ACTR2: variants seen among roughly 807,000 people sequenced by gnomAD.
ACTR2 encodes actin-related protein 2.
ACTR2 carries 5 observed loss-of-function variants against 50.2 expected under a neutral mutation model. That is an observed-to-expected ratio of 0.10 (90% confidence interval 0.05 to 0.21). ACTR2 has a LOEUF of 0.21. ACTR2 is among the 10% of genes least tolerant of loss of function. The probability of loss-of-function intolerance (pLI) is 1.00; values close to 1 mark genes in which losing one functional copy is unlikely to be tolerated. For synonymous variants in ACTR2, 140 were observed against 162.9 expected (o/e 0.86, Z 1.07); for missense variants, 180 against 480.6 (o/e 0.37, Z 5.85).
rs369330503 is a variant in ACTR2 at position 65,266,254 on chromosome 2, AGG to A, written c.1014+1080_1014+1081del. On this transcript the variant is annotated intron_variant, in intron 8 of 8. Transcript: ENST00000260641. ...AGCTGGAAAATGTTAGTGGTTGGGG[AGG>A]TAGTGTGCTCCTTCATAAACTGTGA... Among the ~76,000 whole-genome samples the A allele has an allele frequency of 3.8e-3, 585 of 152,270 alleles. 3 individuals carry two copies. Among genetic ancestry groups the A allele is most frequent in the African/African-American group, 0.014 (566 of 41,540 alleles).
rs1352860935 is a variant in ACTR2, at chr2:65,246,537, G to T, written c.173G>T (p.Gly58Val). 6.2e-7 allele frequency: 1 copy of T among 1,603,780 alleles called. No individual in the cohort carries two copies. Among genetic ancestry groups the T allele is most frequent in the African/African-American group, 1.3e-5 (1 of 74,426 alleles). Reference sequence around the variant, plus strand: ...ATAATTTTCTAGGATCTTATGGTTGGTGATGAGGCAAGTGAATTACGATCA... The same window carrying T: ...ATAATTTTCTAGGATCTTATGGTTGTTGATGAGGCAAGTGAATTACGATCA... ...GNIEIKDLMVGDEASELRSML... is the reference protein window; with the variant it reads ...GNIEIKDLMVVDEASELRSML... Residue 58 changes from glycine (G) to valine (V), a missense_variant, in exon 3 of 9, where the codon GGT (glycine) becomes GTT (valine). Physicochemically the swap from Gly to Val is moderately radical, Grantham distance 109. Transcript: ENST00000260641.
At chr2:65,262,691 C>CGA (rs1672291453) in intron 7 of ACTR2, among the ~76,000 whole-genome samples, 3 of 152,028 alleles carry the variant, frequency 2.0e-5, no homozygotes, top group Non-Finnish European at 4.4e-5. Context: ...GGGGTGGTGG[C>CGA]TTCTGGCTGT....
intron 4 of ACTR2, among the ~76,000 whole-genome samples, chr2:65,252,635 ACT>A (rs1274675618): frequency 6.6e-6 from 1 of 151,384 alleles, no homozygotes; most frequent in African/African-American, 2.4e-5. Flanking sequence ...ACAGAGTGAG[ACT>A]CTGTCTCAAA....
intron 2 of ACTR2, chr2:65,241,905 A>G: frequency 1.1e-6 from 1 of 922,098 alleles, no homozygotes; most frequent in Non-Finnish European, 1.6e-6. Flanking sequence ...AACTCCATTA[A>G]ATATAGTAGT....
At chr2:65,242,062 T>TG (rs1424753250) in intron 2 of ACTR2, 1 of 1,604,854 alleles carries the variant, frequency 6.2e-7, no homozygotes, top group Non-Finnish European at 8.5e-7. Context: ...AACAAAAAGA[T>TG]GGTAAGTGAG....
rs981995709 is a variant in ACTR2 at position 65,270,914 on chromosome 2, T to A, written c.*2180T>A. Reference sequence around the variant, plus strand: ...TGAGTCCCTCAGGAAAAAAAAAAAATTCTGTTTTAAAAAGCAATCTGATTC... The same window carrying A: ...TGAGTCCCTCAGGAAAAAAAAAAAAATCTGTTTTAAAAAGCAATCTGATTC... On this transcript the variant is annotated 3_prime_UTR_variant, in exon 9 of 9. Coordinates refer to ENST00000260641, the MANE Select transcript of ACTR2 (RefSeq NM_005722.4). The A allele has an allele frequency of 1.1e-4, 17 of 151,810 alleles. No individual in the cohort carries two copies. Among genetic ancestry groups the A allele is most frequent in the African/African-American group, 3.1e-4 (13 of 41,296 alleles). 9.4% of individuals were successfully genotyped at this position (151,810 alleles called of 1,614,324 possible).
chr2:65,235,168 A>G (rs1671715875), intron 1 of ACTR2, among the ~76,000 whole-genome samples: 1 of 146,676 alleles, frequency 6.8e-6, no homozygotes, highest in East Asian at 1.9e-4. Context: ...AGTGTGTGAG[A>G]GGTGTGTGTG....
rs372700843 is a variant in ACTR2, at chr2:65,264,305, A to G, written c.882-738A>G. Among the ~76,000 whole-genome samples the G allele has an allele frequency of 2.7e-4, 41 of 152,346 alleles. No individual in the cohort carries two copies. The South Asian group carries it at 3.5e-3, about 13-fold the overall frequency. Reference sequence around the variant, plus strand: ...GGGCTTGCTATGGCAATTAAATACAAAAGCAATGCTTTGTTAGAGTTGCAG... The same window carrying G: ...GGGCTTGCTATGGCAATTAAATACAGAAGCAATGCTTTGTTAGAGTTGCAG... On this transcript the variant is annotated intron_variant, in intron 7 of 8. Coordinates refer to ENST00000260641, the MANE Select transcript of ACTR2 (RefSeq NM_005722.4).
At chr2:65,247,153 C>G (rs1486795688) in intron 3 of ACTR2, among the ~76,000 whole-genome samples, 2 of 152,096 alleles carry the variant, frequency 1.3e-5, no homozygotes, top group Non-Finnish European at 2.9e-5. Flanking sequence ...GGCACCAACC[C>G]TCCCTACTCA....
At chr2:65,244,600 G>T (rs748049066) in intron 2 of ACTR2, among the ~76,000 whole-genome samples, 5 of 152,160 alleles carry the variant, frequency 3.3e-5, no homozygotes, top group Non-Finnish European at 7.4e-5. Flanking sequence ...ACATGTGCAT[G>T]TTATTAACTA....
At chr2:65,255,352 T>C (rs1019912756) in intron 5 of ACTR2, among the ~76,000 whole-genome samples, 193 bp from the exon 6 acceptor site, 4 of 152,240 alleles carry the variant, frequency 2.6e-5, no homozygotes, top group African/African-American at 7.2e-5. Flanking sequence ...TGTTAATTCT[T>C]TTACCCTCTC....
intron 3 of ACTR2, among the ~76,000 whole-genome samples, chr2:65,249,260 G>T (rs1320636817): frequency 6.6e-6 from 1 of 152,152 alleles, no homozygotes; most frequent in East Asian, 1.9e-4. Context: ...GGGTTTAGAA[G>T]AAAATGTTGT....
At position 65,255,664 on chromosome 2, in the gene ACTR2, A is replaced by G. The variant is rs1203816330; in HGVS notation, c.705A>G (p.Leu235=). 1 of 1,613,808 alleles carries G rather than the reference A, an allele frequency of 6.2e-7. No homozygotes were observed. The highest frequency in any genetic ancestry group is 2.2e-5 in the East Asian group (1 of 44,882). The part of the protein sequence containing the change: ...YNIEQEQKLA[L]ETTVLVESYT... ...TTGAGCAAGAGCAGAAACTGGCCTT[A>G]GAAACCACAGTATTAGTTGAATCTT... Residue 235 remains leucine, a synonymous_variant, in exon 6 of 9, where the codon TTA becomes TTG. Coordinates refer to ENST00000260641, the MANE Select transcript of ACTR2 (RefSeq NM_005722.4).
At chr2:65,264,514 C>T (rs1361594855) in intron 7 of ACTR2, among the ~76,000 whole-genome samples, 1 of 152,128 alleles carries the variant, frequency 6.6e-6, no homozygotes, top group African/African-American at 2.4e-5. Context: ...ATAGAGGGTA[C>T]TGCTGTCAGT....
At position 65,250,256 on chromosome 2, in the gene ACTR2, C is replaced by T. The variant is rs548175015; in HGVS notation, c.376-771C>T. 3.3e-5 allele frequency among the ~76,000 whole-genome samples: 5 copies of T among 151,396 alleles called. No individual in the cohort carries two copies. In the East Asian group the frequency reaches 9.7e-4, roughly 30 times the overall value. On this transcript the variant is annotated intron_variant, in intron 3 of 8. Transcript: ENST00000260641. ...GTGTACGCCTGTAGTCCCAGCTACT[C>T]GGGAGGCTGAGGCAGGAGAATGGCG...
At chr2:65,233,045 A>G (rs191601432) in intron 1 of ACTR2, among the ~76,000 whole-genome samples, 1 of 150,722 alleles carries the variant, frequency 6.6e-6, no homozygotes, top group East Asian at 1.9e-4. Context: ...CCCAGGCCAG[A>G]GTGCAGTGGC....
At chr2:65,264,830 T>C (rs1451528005) in intron 7 of ACTR2, among the ~76,000 whole-genome samples, 1 of 152,220 alleles carries the variant, frequency 6.6e-6, no homozygotes, top group East Asian at 1.9e-4. Flanking sequence ...TTAGAAGTAT[T>C]TTATTTTCAT....
At chr2:65,234,527 TATACTC>T (rs1395229441) in intron 1 of ACTR2, among the ~76,000 whole-genome samples, 2 of 152,230 alleles carry the variant, frequency 1.3e-5, no homozygotes, top group Admixed American at 6.5e-5. Context: ...TTGCTTAAAA[TATACTC>T]ATAAGAATGT....
chr2:65,242,110 G>T (rs1671849116), intron 2 of ACTR2: 1 of 1,409,456 alleles, frequency 7.1e-7, no homozygotes, highest in African/African-American at 1.4e-5. Flanking sequence ...ACTTTTGCTT[G>T]ATGGGACAGT....
Sources: allele counts gnomAD v4.1 joint callset (sites outside exome capture counted in the v4.1 genomes callset), GRCh38; gene constraint gnomAD v4.1.1; transcripts MANE v1.5; gene names NCBI Gene and HGNC (gene_info 2026-07-23, HGNC 2026-07-21).